The following DENND1A variants were observed in gnomAD, a reference collection of about 807,000 sequenced individuals.
DENND1A encodes the protein DENN domain-containing protein 1A.
DENND1A carries 51 observed loss-of-function variants against 113.7 expected under a neutral mutation model. The ratio of observed to expected loss-of-function variants is 0.45; its 90% CI spans 0.36 to 0.57. DENND1A has a LOEUF of 0.57. DENND1A is among the 20% of genes least tolerant of loss of function. DENND1A has a pLI of 0.00. For missense variants in DENND1A, 1,258 were observed against 1,395.9 expected (o/e 0.90, Z 1.57); for synonymous variants, 565 against 570.8 (o/e 0.99, Z 0.14).
rs560733923 is a variant in DENND1A, at chr9:123,903,204, C to T, written c.18-24183G>A. ...AAAATTAGCCGGGCATAGTGGCGGG[C>T]GCCTGTAGTCCCAGCTACTTGGGAG... On this transcript the variant is annotated intron_variant, in intron 1 of 23. Transcript: ENST00000394215. 7.5e-3 allele frequency among the ~76,000 whole-genome samples: 1,119 copies of T among 149,640 alleles called. 7 individuals are homozygous for T. Among genetic ancestry groups the T allele is most frequent in the Non-Finnish European group, 0.013 (844 of 66,936 alleles).
At chr9:123,742,138 C>A (rs2131111246) in intron 5 of DENND1A, among the ~76,000 whole-genome samples, 1 of 152,024 alleles carries the variant, frequency 6.6e-6, no homozygotes, top group East Asian at 1.9e-4. Flanking sequence ...TTGGCAAACC[C>A]AAGCCAGGAA....
chr9:123,770,838 A>G (rs1200853829), intron 3 of DENND1A, among the ~76,000 whole-genome samples: 1 of 152,204 alleles, frequency 6.6e-6, no homozygotes, highest in Non-Finnish European at 1.5e-5. Context: ...AACTGAATTG[A>G]TGCTTCTCGC....
chr9:123,393,764 G>T (rs896757583), intron 21 of DENND1A, among the ~76,000 whole-genome samples: 3 of 152,178 alleles, frequency 2.0e-5, no homozygotes, highest in Non-Finnish European at 4.4e-5. Context: ...CTACTTAAAA[G>T]CAACGACGAT....
intron 13 of DENND1A, among the ~76,000 whole-genome samples, chr9:123,514,927 G>A (rs1488449200): frequency 6.6e-6 from 1 of 152,218 alleles, no homozygotes; most frequent in African/African-American, 2.4e-5. Flanking sequence ...CTCCAGATCT[G>A]AGACAGGAAA....
intron 1 of DENND1A, among the ~76,000 whole-genome samples, chr9:123,888,806 G>T (rs1293868953): frequency 6.6e-6 from 1 of 152,194 alleles, no homozygotes; most frequent in Non-Finnish European, 1.5e-5. Context: ...CCTGAATGCA[G>T]TCTTAGGATT....
Position 123,740,899 on chromosome 9 carries a change from TGAGAGAGAGAGAGA to T in DENND1A, c.302+16790_302+16803del, listed in dbSNP as rs56006420. Among the ~76,000 whole-genome samples, 86 of 108,934 alleles carry T rather than the reference TGAGAGAGAGAGAGA, an allele frequency of 7.9e-4. 2 individuals carry two copies. The highest frequency in any genetic ancestry group is 0.014 in the Middle Eastern group (2 of 142). 71.5% of individuals were successfully genotyped at this position (108,934 alleles called of 152,430 possible). A position where few individuals can be genotyped will look rare whatever the true frequency, so the allele number is the denominator to read the frequency against. ...AAGAAAGATGCTGAGGAAGGGAAAG[TGAGAGAGAGAGAGA>T]GAGAGAGAGAGAGAGAGAGAGAGAG... On this transcript the variant is annotated intron_variant, in intron 5 of 23. Transcript: ENST00000394215.
intron 5 of DENND1A, among the ~76,000 whole-genome samples, chr9:123,705,277 GAAC>G (rs1482140393): frequency 6.6e-6 from 1 of 151,992 alleles, no homozygotes; most frequent in Non-Finnish European, 1.5e-5. Context: ...TTAAAATGAA[GAAC>G]AATAAGAGTA....
chr9:123,597,392 G>T (rs908828660), intron 11 of DENND1A, among the ~76,000 whole-genome samples: 2 of 152,146 alleles, frequency 1.3e-5, no homozygotes, highest in African/African-American at 2.4e-5. Context: ...ACTACAGGGG[G>T]TCTTAAACAT....
rs541256700 is a variant in DENND1A, at chr9:123,606,165, G to A, written c.765+3271C>T. ...ATCAGAAAGCACAACTAGAGCACTC[G>A]GAATCTGAGCTGAAATTCCAGGGAG... On this transcript the variant is annotated intron_variant, in intron 11 of 23. Transcript: ENST00000394215. 3.3e-5 allele frequency among the ~76,000 whole-genome samples: 5 copies of A among 152,266 alleles called. No individual in the cohort carries two copies. The East Asian group carries it at 9.6e-4, about 29-fold the overall frequency.
intron 21 of DENND1A, among the ~76,000 whole-genome samples, chr9:123,397,926 C>A (rs2043218033): frequency 6.6e-6 from 1 of 152,202 alleles, no homozygotes; most frequent in Non-Finnish European, 1.5e-5. Context: ...CTTCAAATAA[C>A]CAGGATGCAG....
At chr9:123,576,879 C>A (rs941394163) in intron 12 of DENND1A, among the ~76,000 whole-genome samples, 1 of 152,104 alleles carries the variant, frequency 6.6e-6, no homozygotes, top group Non-Finnish European at 1.5e-5. Flanking sequence ...GCTAGAATTA[C>A]TTCTCATACC....
intron 11 of DENND1A, among the ~76,000 whole-genome samples, chr9:123,600,020 C>T (rs2059873678): frequency 6.6e-6 from 1 of 152,156 alleles, no homozygotes; most frequent in African/African-American, 2.4e-5. Flanking sequence ...GCTCTTCAAT[C>T]ATCACACTGC....
chr9:123,542,196 A>C (rs573547649), intron 13 of DENND1A, among the ~76,000 whole-genome samples: 2 of 152,170 alleles, frequency 1.3e-5, no homozygotes, highest in African/African-American at 2.4e-5. Flanking sequence ...AGTTTTAAAT[A>C]CCTCATTCTT....
At chr9:123,809,481 C>T (rs138564352) in intron 2 of DENND1A, among the ~76,000 whole-genome samples, 1 of 152,008 alleles carries the variant, frequency 6.6e-6, no homozygotes. Flanking sequence ...TGAGACAACT[C>T]ATTGCTTTGG....
intron 11 of DENND1A, among the ~76,000 whole-genome samples, chr9:123,603,243 T>A (rs979187411): frequency 1.3e-5 from 2 of 152,198 alleles, no homozygotes; most frequent in Non-Finnish European, 2.9e-5. Context: ...TAGTGCCAAC[T>A]CAATTGACAG....
At chr9:123,660,570 A>G (rs1000563030) in intron 8 of DENND1A, among the ~76,000 whole-genome samples, 13 of 152,188 alleles carry the variant, frequency 8.5e-5, no homozygotes, top group African/African-American at 3.1e-4. Flanking sequence ...AAAGAAAAAA[A>G]AAATTTTTTA....
chr9:123,561,288 GT>G (rs2057739158), intron 12 of DENND1A, among the ~76,000 whole-genome samples: 1 of 151,386 alleles, frequency 6.6e-6, no homozygotes, highest in African/African-American at 2.4e-5. Context: ...CAAAGAAGGA[GT>G]CGTTGATTGT....
At chr9:123,413,657 G>A (rs1190971533) in intron 19 of DENND1A, 5 of 985,328 alleles carry the variant, frequency 5.1e-6, no homozygotes, top group Non-Finnish European at 4.8e-6. Context: ...GAATGACACC[G>A]TGGCTTCCCA....
At chr9:123,388,261 T>G (rs1234389721) in intron 21 of DENND1A, among the ~76,000 whole-genome samples, 1 of 152,184 alleles carries the variant, frequency 6.6e-6, no homozygotes, top group African/African-American at 2.4e-5. Flanking sequence ...GAAGACAAAT[T>G]TAAAGATCAG....
Sources: gnomAD v4.1 joint callset for allele counts (sites outside exome capture counted in the v4.1 genomes callset) on GRCh38, gnomAD v4.1.1 for gene constraint, MANE v1.5 for transcripts, NCBI Gene and HGNC (gene_info 2026-07-23, HGNC 2026-07-21) for gene names.